Variants in ATP4A observed in about 807,000 individuals in gnomAD.
The protein encoded by ATP4A is ATPase H+/K+ transporting subunit alpha.
A neutral mutation model predicts 112.1 loss-of-function variants in ATP4A; 73 were observed. The ratio of observed to expected loss-of-function variants is 0.65; its 90% confidence interval spans 0.54 to 0.79. The LOEUF is 0.79. Ranked by LOEUF, ATP4A falls within the 30% of genes least tolerant of loss-of-function variation. The pLI is 0.00. For missense variants in ATP4A, 1,081 were observed against 1,425.9 expected (o/e 0.76, Z 3.90); for synonymous variants, 588 against 588.9 (o/e 1.00, Z 0.02).
At position 35,551,393 on chromosome 19, in the gene ATP4A, G is replaced by A. The variant is rs2071601011; in HGVS notation, c.2885+54C>T. The A allele has an allele frequency of 1.2e-6, 2 of 1,612,398 alleles. No homozygotes were observed. Among genetic ancestry groups the A allele is most frequent in the South Asian group, 2.2e-5 (2 of 90,980 alleles). ...CTGTTCTAAACCACAGTCAGGATCT[G>A]ATGGGAGTTGGGACCAGGGGTTGGA... On this transcript the variant is annotated intron_variant, in intron 19 of 21. Coordinates refer to ENST00000262623, the MANE Select transcript of ATP4A (RefSeq NM_000704.3). This position sits in a 1 kb window ranked among gnomAD's most constrained non-coding sequence, Gnocchi z 5.2.
At chr19:35,561,947 C>T (rs1227067194) in intron 4 of ATP4A, among the ~76,000 whole-genome samples, 1 of 150,446 alleles carries the variant, frequency 6.6e-6, no homozygotes, top group East Asian at 2.0e-4. Context: ...CATCCACCTC[C>T]TGGGTTCAAA....
rs2071603161 is a variant in ATP4A, at chr19:35,551,697, C to A, written c.2752-117G>T. 17 of 1,356,766 alleles carry A rather than the reference C, an allele frequency of 1.3e-5. No individual in the cohort carries two copies. In the South Asian group the frequency reaches 1.9e-4, roughly 15 times the overall value. The allele number at this position is 1,356,766 out of a possible 1,614,324, so 84.0% of individuals were successfully genotyped here. A position where few individuals can be genotyped will look rare whatever the true frequency, so the allele number is the denominator to read the frequency against. On this transcript the variant is annotated intron_variant, in intron 18 of 21. Transcript: ENST00000262623. The surrounding 1 kb of genome is among the most constrained non-coding windows in gnomAD (Gnocchi z 5.2). The stretch of plus-strand genomic sequence containing the variant: ...CGTGAACCCCTAAATGCTCTCTCTG[C>A]CTTGCATCAGAGTGTGGGGGTGGGG...
chr19:35,560,175 G>A lies in ATP4A; in HGVS notation c.788-102C>T. On this transcript the variant is annotated intron_variant, in intron 6 of 21. Transcript: ENST00000262623. This position sits in a 1 kb window ranked among gnomAD's most constrained non-coding sequence, Gnocchi z 5.1. Reference sequence around the variant, plus strand: ...GCCAGTCACTGCCAGTGGAGGATGTGACCTGGGAGAGGGTAGTGACAGTGG... The same window carrying A: ...GCCAGTCACTGCCAGTGGAGGATGTAACCTGGGAGAGGGTAGTGACAGTGG... 1 of 1,544,348 alleles carries A rather than the reference G, an allele frequency of 6.5e-7. No individual in the cohort carries two copies. Among genetic ancestry groups the A allele is most frequent in the Non-Finnish European group, 8.8e-7 (1 of 1,138,158 alleles).
chr19:35,561,339 T>G (rs1354678933), intron 4 of ATP4A, among the ~76,000 whole-genome samples: 1 of 151,968 alleles, frequency 6.6e-6, no homozygotes, highest in Non-Finnish European at 1.5e-5. Flanking sequence ...TCCCCGTGTC[T>G]CCAGTTTCAC....
rs929777524 is a variant in ATP4A, at chr19:35,557,534, T to C, written c.1693+121A>G. 1 of 1,229,250 alleles carries C rather than the reference T, an allele frequency of 8.1e-7. No homozygotes were observed. The highest frequency in any genetic ancestry group is 2.5e-5 in the Admixed American group (1 of 40,392). The allele number at this position is 1,229,250 out of a possible 1,614,324, so 76.1% of individuals were successfully genotyped here. On this transcript the variant is annotated intron_variant, in intron 11 of 21. Coordinates refer to ENST00000262623, the MANE Select transcript of ATP4A (RefSeq NM_000704.3). The surrounding 1 kb of genome is among the most constrained non-coding windows in gnomAD (Gnocchi z 4.4). Reference sequence around the variant, plus strand: ...GAAAGTCAAGGGTGAGGCTGTGGACTGCGACAAATCAGCCAGCAGCCAGGG... The same window carrying C: ...GAAAGTCAAGGGTGAGGCTGTGGACCGCGACAAATCAGCCAGCAGCCAGGG...
chr19:35,563,137 T>C, intron 3 of ATP4A, 72 bp downstream of exon 3: 1 of 1,519,714 alleles, frequency 6.6e-7, no homozygotes, highest in South Asian at 1.1e-5. Flanking sequence ...TCTCTCCATC[T>C]CCCTCCTTCC....
intron 2 of ATP4A, 46 bp from the exon 3 acceptor site, chr19:35,563,314 C>T (rs929268897): frequency 1.2e-6 from 2 of 1,613,502 alleles, no homozygotes; most frequent in Non-Finnish European, 1.7e-6. Flanking sequence ...GCTCTCCTGG[C>T]CCCCTCCCCG....
chr19:35,561,511 G>A (rs1467623236), intron 4 of ATP4A, among the ~76,000 whole-genome samples: 1 of 151,978 alleles, frequency 6.6e-6, no homozygotes, highest in Non-Finnish European at 1.5e-5. Flanking sequence ...CCCAGTCACT[G>A]TGTCCCGTGT....
intron 12 of ATP4A, 104 bp downstream of exon 12, chr19:35,556,809 T>TG: frequency 7.3e-7 from 1 of 1,364,838 alleles, no homozygotes; most frequent in South Asian, 1.4e-5. Flanking sequence ...CAATGCATTT[T>TG]GGTTCAAGCC....
chr19:35,551,095 T>C lies in ATP4A; in HGVS notation c.2902A>G (p.Ile968Val). Residue 968 changes from isoleucine to valine, a missense_variant, in exon 20 of 22, where the codon ATC becomes GTC. Physicochemically the swap from Ile to Val is conservative, Grantham distance 29 (BLOSUM62 3). Around this residue, in one of 3 missense-constraint regions of ATP4A, gnomAD observed 219 missense variants for 320.9 expected, o/e 0.68. Transcript: ENST00000262623. The surrounding 1 kb of genome is among the most constrained non-coding windows in gnomAD (Gnocchi z 5.2). ...ATGCAGACCTGGAACACGATGGCGA[T>C]CACCAGGATCTTATTCCTGGGGGTG... is the stretch of plus-strand genomic sequence containing the variant. ...QGFFRNKILV[I>V]AIVFQVCIGC... is the part of the protein sequence containing the mutation. 1.2e-6 allele frequency: 2 copies of C among 1,610,434 alleles called. No individual in the cohort carries two copies. The highest frequency in any genetic ancestry group is 1.3e-5 in the African/African-American group (1 of 74,964).
In ATP4A at chr19:35,551,721, G is replaced by A; in HGVS notation, c.2752-141C>T. On this transcript the variant is annotated intron_variant, in intron 18 of 21. Transcript: ENST00000262623. This position sits in a 1 kb window ranked among gnomAD's most constrained non-coding sequence, Gnocchi z 5.2. Reference sequence around the variant, plus strand: ...GCCTTGCATCAGAGTGTGGGGGTGGGGGGAAGGAGAGAGGCAGGGTCTGCC... The same window carrying A: ...GCCTTGCATCAGAGTGTGGGGGTGGAGGGAAGGAGAGAGGCAGGGTCTGCC... 3 of 1,167,452 alleles carry A rather than the reference G, an allele frequency of 2.6e-6. No individual in the cohort carries two copies. Among genetic ancestry groups the A allele is most frequent in the Non-Finnish European group, 3.6e-6 (3 of 830,072 alleles). 72.3% of individuals were successfully genotyped at this position (1,167,452 alleles called of 1,614,324 possible).
chr19:35,553,491 G>A (rs966746322), intron 17 of ATP4A, among the ~76,000 whole-genome samples: 5 of 152,140 alleles, frequency 3.3e-5, no homozygotes, highest in African/African-American at 1.2e-4. Flanking sequence ...TCAGAGACAG[G>A]GTCATGGAGA....
rs900841769 is a variant in ATP4A at position 35,563,084 on chromosome 19, A to G, written c.216+125T>C. On this transcript the variant is annotated intron_variant, in intron 3 of 21. Coordinates refer to ENST00000262623, the MANE Select transcript of ATP4A (RefSeq NM_000704.3). ...CTTTTCTGCCTCCCTCCCTCTCTCT[A>G]TTTCTCCATATCTTCCTCTCTTCAT... The G allele has an allele frequency of 1.6e-5, 16 of 997,576 alleles. No homozygotes were observed. The African/African-American group carries it at 2.7e-4, about 17-fold the overall frequency. 61.8% of individuals were successfully genotyped at this position (997,576 alleles called of 1,614,324 possible). A position where few individuals can be genotyped will look rare whatever the true frequency, so the allele number is the denominator to read the frequency against.
In ATP4A at chr19:35,558,427, T is replaced by C; in HGVS notation, c.1435A>G (p.Met479Val). ...TTTGGGAAGCGGTCCCGGTAGCCCATGGCGTTGCCCAGCGTCAGCTCCGAG... is the reference window on the plus strand; with the variant it reads ...TTTGGGAAGCGGTCCCGGTAGCCCACGGCGTTGCCCAGCGTCAGCTCCGAG... Reference protein sequence around the residue: ...KFSELTLGNAMGYRDRFPKVC... With the variant: ...KFSELTLGNAVGYRDRFPKVC... The change falls in exon 10 of 22, where the codon ATG becomes GTG. Residue 479 changes from methionine to valine, a missense_variant. This residue lies in a region of ATP4A where 850 missense variants were observed against 1,068.2 expected (regional missense o/e 0.80). Transcript: ENST00000262623. This position sits in a 1 kb window ranked among gnomAD's most constrained non-coding sequence, Gnocchi z 5.1. The C allele has an allele frequency of 6.2e-7, 1 of 1,608,868 alleles. No homozygotes were observed. The highest frequency in any genetic ancestry group is 1.7e-5 in the Admixed American group (1 of 58,892).
rs777563260 is a variant in ATP4A, at chr19:35,555,783, G to T, written c.1899C>A (p.Ile633=). 14 of 1,613,266 alleles carry T rather than the reference G, an allele frequency of 8.7e-6. No individual in the cohort carries two copies. The East Asian group carries it at 1.3e-4, about 15-fold the overall frequency. The part of the protein sequence containing the change: ...RVIMVTGDHP[I]TAKAIAASVG... ...CACTGGCTGCAATGGCCTTGGCGGT[G>T]ATGGGGTGGTCACCCGTTACCATGA... Residue 633 remains isoleucine, a synonymous_variant, in exon 13 of 22, where the codon ATC becomes ATA. Coordinates refer to ENST00000262623, the MANE Select transcript of ATP4A (RefSeq NM_000704.3). The surrounding 1 kb of genome is among the most constrained non-coding windows in gnomAD (Gnocchi z 6.6).
rs1180408060 is a variant in ATP4A, at chr19:35,551,122, G to C, written c.2886-11C>G. 1 of 1,597,078 alleles carries C rather than the reference G, an allele frequency of 6.3e-7. No individual in the cohort carries two copies. The highest frequency in any genetic ancestry group is 8.5e-7 in the Non-Finnish European group (1 of 1,171,782). On this transcript the variant is annotated splice_polypyrimidine_tract_variant and intron_variant, in intron 19 of 21. Transcript: ENST00000262623. The surrounding 1 kb of genome is among the most constrained non-coding windows in gnomAD (Gnocchi z 5.2). ...ACCAGGATCTTATTCCTGGGGGTGG[G>C]CAGAATGGGACAGGCCATTAGGAAT...
chr19:35,553,127 C>T lies in ATP4A; in HGVS notation c.2661G>A (p.Glu887=), dbSNP rs2071610889. ...CCACGCACAGCAGTGGGAACCAGCC[C>T]TCCTGGGCCATTGCCGTGAAGTAGT... ...FTDYFTAMAQ[E]GWFPLLCVGL... The change falls in exon 18 of 22, where the codon GAG becomes GAA. Residue 887 remains glutamate (E), a synonymous_variant. Transcript: ENST00000262623. 1 of 1,610,046 alleles carries T rather than the reference C, an allele frequency of 6.2e-7. No individual in the cohort carries two copies. The highest frequency in any genetic ancestry group is 1.3e-5 in the African/African-American group (1 of 74,872).
At chr19:35,561,543 G>A (rs1433246346) in intron 4 of ATP4A, among the ~76,000 whole-genome samples, 2 of 151,748 alleles carry the variant, frequency 1.3e-5, no homozygotes, top group Non-Finnish European at 2.9e-5. Flanking sequence ...GTGTATCTCC[G>A]AGTTCCCATC....
rs1289233595 is a variant in ATP4A, at chr19:35,550,403, C to G, written c.*212G>C. On this transcript the variant is annotated 3_prime_UTR_variant, in exon 22 of 22. Coordinates refer to ENST00000262623, the MANE Select transcript of ATP4A (RefSeq NM_000704.3). The surrounding 1 kb of genome is among the most constrained non-coding windows in gnomAD (Gnocchi z 4.1). ...AGGCCAGCCCAGAGGACTGCCCAGGCGCTGCTGCTCCAGGAGGTGCGAACC... is the reference window on the plus strand; with the variant it reads ...AGGCCAGCCCAGAGGACTGCCCAGGGGCTGCTGCTCCAGGAGGTGCGAACC... 1.6e-6 allele frequency: 1 copy of G among 633,134 alleles called. No homozygotes were observed. Among genetic ancestry groups the G allele is most frequent in the Non-Finnish European group, 2.7e-6 (1 of 370,724 alleles). 39.2% of individuals were successfully genotyped at this position (633,134 alleles called of 1,614,324 possible).
Sources: allele counts gnomAD v4.1 joint callset (sites outside exome capture counted in the v4.1 genomes callset), GRCh38; gene constraint gnomAD v4.1.1; regional missense constraint gnomAD v4.1.1; non-coding constraint Gnocchi (gnomAD v3.1); transcripts MANE v1.5; gene names NCBI Gene and HGNC (gene_info 2026-07-23, HGNC 2026-07-21).